Variants in GPR161 observed in about 807,000 individuals in gnomAD.
GPR161 encodes G-protein coupled receptor RE2.
GPR161 carries 25 observed loss-of-function variants against 39.2 expected under a neutral mutation model. That is an observed-to-expected ratio of 0.64 (90% confidence interval 0.47 to 0.89). The LOEUF (loss-of-function observed/expected upper bound fraction) is 0.89, where lower values mean the gene tolerates loss of function less well. GPR161 is among the 40% of genes least tolerant of loss of function. GPR161 has a pLI of 0.00. For missense variants in GPR161, 547 were observed against 677.8 expected (o/e 0.81, Z 2.14); for synonymous variants, 286 against 276.6 (o/e 1.03, Z -0.34).
At position 168,098,727 on chromosome 1, in the gene GPR161, T is replaced by C. The variant is rs1047311591; in HGVS notation, c.375-1495A>G. Among the ~76,000 whole-genome samples the C allele has an allele frequency of 6.6e-6, 1 of 152,210 alleles. No individual in the cohort carries two copies. The highest frequency in any genetic ancestry group is 2.4e-5 in the African/African-American group (1 of 41,462). On this transcript the variant is annotated intron_variant, in intron 2 of 5. Transcript: ENST00000682931. This position sits in a 1 kb window ranked among gnomAD's most constrained non-coding sequence, Gnocchi z 4.1. ...CCTGGAAAGAGAGCATTTCCGGCTA[T>C]GCGGCCTGAGGAGAAGATTGCGCAG...
chr1:168,136,674 C>A, intron 1 of GPR161, 65 bp downstream of exon 1: 1 of 1,160,680 alleles, frequency 8.6e-7, no homozygotes, highest in Non-Finnish European at 1.1e-6. Flanking sequence ...ATGAGTTTAG[C>A]CTGGCTCCAT....
intron 2 of GPR161, among the ~76,000 whole-genome samples, chr1:168,103,822 G>A (rs1197826017): frequency 2.0e-5 from 3 of 152,192 alleles, no homozygotes; most frequent in Non-Finnish European, 2.9e-5. Flanking sequence ...TGGGAAACTC[G>A]CTGCCAAAGC....
At chr1:168,107,263 C>T (rs1209435671) in intron 1 of GPR161, among the ~76,000 whole-genome samples, 3 of 152,040 alleles carry the variant, frequency 2.0e-5, no homozygotes, top group Non-Finnish European at 2.9e-5. Flanking sequence ...AAAAAAGTGG[C>T]CGTAAGACTA....
chr1:168,132,515 A>G (rs367864539), intron 1 of GPR161, among the ~76,000 whole-genome samples: 4 of 146,072 alleles, frequency 2.7e-5, no homozygotes, highest in East Asian at 4.3e-4. Context: ...GTGAACCCGG[A>G]AGATGGAGCT....
chr1:168,130,605 CA>C (rs1558142360), intron 1 of GPR161, among the ~76,000 whole-genome samples: 1 of 152,192 alleles, frequency 6.6e-6, no homozygotes, highest in African/African-American at 2.4e-5. Flanking sequence ...CTACCACTTG[CA>C]AAAGAAAGAC....
intron 1 of GPR161, among the ~76,000 whole-genome samples, chr1:168,135,733 C>G (rs1289622673): frequency 2.0e-5 from 3 of 152,192 alleles, no homozygotes; most frequent in African/African-American, 7.2e-5. Context: ...CTCCCCCAGC[C>G]CCTAGGACGC....
intron 1 of GPR161, among the ~76,000 whole-genome samples, chr1:168,129,335 AGAG>A (rs1242113513): frequency 1.3e-5 from 2 of 152,214 alleles, no homozygotes; most frequent in East Asian, 3.9e-4. Context: ...GGAGTGAAGA[AGAG>A]AACAGCAGAC....
At chr1:168,125,858 T>C (rs988366980) in intron 1 of GPR161, among the ~76,000 whole-genome samples, 3 of 152,088 alleles carry the variant, frequency 2.0e-5, no homozygotes, top group Non-Finnish European at 4.4e-5. Flanking sequence ...CCTCATGATC[T>C]GCCCGCCTCG....
chr1:168,132,811 C>G (rs1020392943), intron 1 of GPR161, among the ~76,000 whole-genome samples: 2 of 152,084 alleles, frequency 1.3e-5, no homozygotes, highest in African/African-American at 4.8e-5. Context: ...ATGGCACAGT[C>G]TCGGCTCACT....
chr1:168,137,377 C>T, upstream of GPR161: 1 of 1,535,980 alleles, frequency 6.5e-7, no homozygotes, highest in Non-Finnish European at 8.7e-7. Flanking sequence ...CTGGTATCGC[C>T]TTTGCTGCTC....
In GPR161 at chr1:168,090,640, C is replaced by G. The variant is rs749516474; in HGVS notation, c.1128G>C (p.Ala376=). ...TDLGLSPHLT[A]LMAGGQPLGH... is the part of the protein sequence containing the mutation. The stretch of plus-strand genomic sequence containing the variant: ...CCAGGGGCTGTCCACCTGCCATGAG[C>G]GCAGTGAGGTGTGGGGACAGGCCCA... The change falls in exon 4 of 6, where the codon GCG becomes GCC. Residue 376 remains alanine, a synonymous_variant. Transcript: ENST00000682931. 5.0e-6 allele frequency: 8 copies of G among 1,610,944 alleles called. No homozygotes were observed. The Admixed American group carries it at 5.0e-5, about 10-fold the overall frequency.
intron 3 of GPR161, 102 bp downstream of exon 3, chr1:168,096,406 G>T: frequency 1.7e-6 from 2 of 1,179,784 alleles, no homozygotes; most frequent in East Asian, 2.4e-5. Flanking sequence ...GAGCCTTACC[G>T]CCAGTCAGCC....
intron 2 of GPR161, among the ~76,000 whole-genome samples, chr1:168,102,516 T>C (rs531237926): frequency 9.9e-5 from 15 of 152,238 alleles, no homozygotes; most frequent in African/African-American, 3.6e-4. Context: ...CCAACCAATA[T>C]TTCCAGTGTG....
In GPR161 at chr1:168,079,755, T is replaced by C. The variant is rs1693938584; in HGVS notation, c.*5776A>G. On this transcript the variant is annotated 3_prime_UTR_variant, in exon 6 of 6. Coordinates refer to ENST00000682931, the MANE Select transcript of GPR161 (RefSeq NM_001375883.1). The stretch of plus-strand genomic sequence containing the variant: ...CACTTCTTCATCCAGCGGTCTATTA[T>C]GAGAACACAACACAGTCCTCTGTCC... 6.6e-6 allele frequency: 1 copy of C among 152,196 alleles called. No individual in the cohort carries two copies. The highest frequency in any genetic ancestry group is 1.5e-5 in the Non-Finnish European group (1 of 68,038). 9.4% of individuals were successfully genotyped at this position (152,196 alleles called of 1,614,324 possible). A position where few individuals can be genotyped will look rare whatever the true frequency, so the allele number is the denominator to read the frequency against.
chr1:168,108,501 A>AAAAAAAAAAAAC (rs1696835944), intron 1 of GPR161, among the ~76,000 whole-genome samples: 1 of 147,628 alleles, frequency 6.8e-6, no homozygotes, highest in Non-Finnish European at 1.5e-5. Flanking sequence ...AAAAAAAAAA[A>AAAAAAAAAAAAC]AAAAAAAAAA....
chr1:168,085,361 G>C lies in GPR161; in HGVS notation c.*170C>G. 1 of 629,604 alleles carries C rather than the reference G, an allele frequency of 1.6e-6. No individual in the cohort carries two copies. Among genetic ancestry groups the C allele is most frequent in the South Asian group, 1.9e-5 (1 of 52,250 alleles). 39.0% of individuals were successfully genotyped at this position (629,604 alleles called of 1,614,324 possible). On this transcript the variant is annotated 3_prime_UTR_variant, in exon 6 of 6. Coordinates refer to ENST00000682931, the MANE Select transcript of GPR161 (RefSeq NM_001375883.1). ...GGAAATGCTGAAGCTGTGGACTGTAGACATTATTTTCAGTCCTTGTCCTGG... is the reference window on the plus strand; with the variant it reads ...GGAAATGCTGAAGCTGTGGACTGTACACATTATTTTCAGTCCTTGTCCTGG...
At chr1:168,092,292 G>A (rs1695142399) in intron 3 of GPR161, among the ~76,000 whole-genome samples, 1 of 152,202 alleles carries the variant, frequency 6.6e-6, no homozygotes, top group Non-Finnish European at 1.5e-5. Context: ...CAGCTGGGAT[G>A]GCTGAAGCCG....
At chr1:168,126,497 C>T (rs186709275) in intron 1 of GPR161, among the ~76,000 whole-genome samples, 280 of 152,200 alleles carry the variant, frequency 1.8e-3, no homozygotes, top group Non-Finnish European at 2.0e-3. Context: ...TCTGTCACAG[C>T]CTGGAGTGCA....
chr1:168,087,802 T>C, intron 4 of GPR161, 98 bp from the exon 5 acceptor site: 1 of 1,250,060 alleles, frequency 8.0e-7, no homozygotes, highest in Non-Finnish European at 1.1e-6. Context: ...CTTCTCCCGT[T>C]CATCCAAACC....
Sources: gnomAD v4.1 joint callset for allele counts (sites outside exome capture counted in the v4.1 genomes callset) on GRCh38, gnomAD v4.1.1 for gene constraint, Gnocchi (gnomAD v3.1) non-coding constraint, MANE v1.5 for transcripts, NCBI Gene and HGNC (gene_info 2026-07-23, HGNC 2026-07-21) for gene names.